SNX24: variants seen among roughly 807,000 people sequenced by gnomAD.
SNX24 encodes sorting nexin-24.
In SNX24, 22 loss-of-function variants were observed where a neutral mutation model predicts 28.7. That is an observed-to-expected ratio of 0.77 (90% CI 0.55 to 1.10). The LOEUF (loss-of-function observed/expected upper bound fraction) is 1.10. Among genes scored for constraint, SNX24 ranks in the 50% least tolerant of loss-of-function variants. The pLI, the probability that SNX24 is intolerant of heterozygous loss-of-function variation, is 0.00. For synonymous variants in SNX24, 69 were observed against 71.5 expected, an observed-to-expected ratio of 0.96 and a Z score of 0.18; for missense variants, 221 against 201.1, an observed-to-expected ratio of 1.10 and a Z score of -0.60.
At position 122,979,192 on chromosome 5, in the gene SNX24, A is replaced by T. The variant is rs57073580; in HGVS notation, c.250-20720A>T. 3.3e-3 allele frequency among the ~76,000 whole-genome samples: 506 copies of T among 152,276 alleles called. 3 individuals are homozygous for T. Among genetic ancestry groups the T allele is most frequent in the African/African-American group, 0.011 (460 of 41,558 alleles). ...GCATCAGAACTACTCTTAGGATTCA[A>T]TTTTTTTGTTGTTTTGCATATTTTA... On this transcript the variant is annotated intron_variant, in intron 3 of 6. Transcript: ENST00000261369.
chr5:122,951,110 A>G (rs1323353646), intron 3 of SNX24, among the ~76,000 whole-genome samples: 1 of 151,970 alleles, frequency 6.6e-6, no homozygotes, highest in Non-Finnish European at 1.5e-5. Context: ...TACTAAAAAT[A>G]CAAAAAATTA....
chr5:122,914,225 C>T (rs1758059253), intron 1 of SNX24, among the ~76,000 whole-genome samples: 1 of 152,196 alleles, frequency 6.6e-6, no homozygotes, highest in South Asian at 2.1e-4. Flanking sequence ...TTGAACCAGC[C>T]TTGCATCCCA....
intron 1 of SNX24, among the ~76,000 whole-genome samples, chr5:122,848,946 A>G (rs929508769): frequency 1.3e-5 from 2 of 152,176 alleles, no homozygotes; most frequent in Non-Finnish European, 2.9e-5. Flanking sequence ...CTTACAATTT[A>G]TAGACATCTT....
At chr5:122,904,307 C>G (rs930981341) in intron 1 of SNX24, among the ~76,000 whole-genome samples, 2 of 152,108 alleles carry the variant, frequency 1.3e-5, no homozygotes, top group African/African-American at 4.8e-5. Flanking sequence ...CTCAGCCTCC[C>G]CAGTAGCTGG....
rs186062456 is a variant in SNX24 at position 122,873,377 on chromosome 5, A to C, written c.60+27684A>C. On this transcript the variant is annotated intron_variant, in intron 1 of 6. Coordinates refer to ENST00000261369, the MANE Select transcript of SNX24 (RefSeq NM_014035.4). ...AGCTGATCTTTCTGTGGCCTAGATA[A>C]TTCTAAATGCCTGCGTGGGGAGGCA... Among the ~76,000 whole-genome samples, 19 of 152,230 alleles carry C rather than the reference A, an allele frequency of 1.2e-4. No homozygotes were observed. In the East Asian group the frequency reaches 3.7e-3, roughly 29 times the overall value.
intron 1 of SNX24, among the ~76,000 whole-genome samples, chr5:122,872,252 C>T (rs559195099): frequency 6.6e-6 from 1 of 151,836 alleles, no homozygotes; most frequent in South Asian, 2.1e-4. Flanking sequence ...TCTAGTGTCC[C>T]AGCCACTTCA....
chr5:122,901,002 A>G (rs1476258162), intron 1 of SNX24, among the ~76,000 whole-genome samples: 2 of 152,032 alleles, frequency 1.3e-5, no homozygotes, highest in Non-Finnish European at 2.9e-5. Context: ...GGAATTCAAG[A>G]CCAGCCTGGC....
chr5:122,967,539 C>T (rs768049833), intron 3 of SNX24, among the ~76,000 whole-genome samples: 1 of 152,144 alleles, frequency 6.6e-6, no homozygotes, highest in Non-Finnish European at 1.5e-5. Flanking sequence ...CAGAAAGCAG[C>T]CAGGAAACTT....
chr5:122,849,473 G>A (rs1194022144), intron 1 of SNX24, among the ~76,000 whole-genome samples: 5 of 152,020 alleles, frequency 3.3e-5, no homozygotes, highest in Non-Finnish European at 7.4e-5. Context: ...GCTGAGGTGG[G>A]GGTGCTTAGG....
At chr5:122,990,077 G>T (rs1176950586) in intron 3 of SNX24, among the ~76,000 whole-genome samples, 1 of 152,116 alleles carries the variant, frequency 6.6e-6, no homozygotes, top group Admixed American at 6.5e-5. Context: ...TTTCTTTATA[G>T]ATATGTTTTT....
intron 1 of SNX24, among the ~76,000 whole-genome samples, chr5:122,919,222 G>C (rs1758311320): frequency 6.6e-6 from 1 of 152,214 alleles, no homozygotes; most frequent in South Asian, 2.1e-4. Context: ...TGTGCAAAGA[G>C]GCAAACCTGG....
At chr5:122,988,000 C>T (rs1761677459) in intron 3 of SNX24, among the ~76,000 whole-genome samples, 1 of 152,162 alleles carries the variant, frequency 6.6e-6, no homozygotes, top group Non-Finnish European at 1.5e-5. Context: ...AAAATGTTCT[C>T]TTTCTTTAAA....
intron 1 of SNX24, among the ~76,000 whole-genome samples, chr5:122,874,910 C>G (rs1310974451): frequency 2.0e-5 from 3 of 152,156 alleles, no homozygotes; most frequent in African/African-American, 7.2e-5. Flanking sequence ...ATAATAGATG[C>G]CAAGCCCTTA....
At chr5:122,951,292 A>T (rs1361044348) in intron 3 of SNX24, among the ~76,000 whole-genome samples, 1 of 151,146 alleles carries the variant, frequency 6.6e-6, no homozygotes, top group Non-Finnish European at 1.5e-5. Flanking sequence ...AGAAAAAGAA[A>T]AGAAAATTTA....
At chr5:122,939,222 A>C (rs1759329792) in intron 2 of SNX24, among the ~76,000 whole-genome samples, 1 of 152,192 alleles carries the variant, frequency 6.6e-6, no homozygotes, top group Admixed American at 6.5e-5. Flanking sequence ...TTTCCCTTTA[A>C]ATGTAGTTAA....
downstream of SNX24, chr5:123,009,272 C>G (rs1208945669): frequency 4.1e-6 from 4 of 967,926 alleles, no homozygotes; most frequent in African/African-American, 5.3e-5. Context: ...TTTACACACA[C>G]ACACACATAT....
intron 1 of SNX24, among the ~76,000 whole-genome samples, chr5:122,931,806 A>G (rs1204506311): frequency 6.6e-6 from 1 of 151,386 alleles, no homozygotes; most frequent in African/African-American, 2.4e-5. Flanking sequence ...GATACTTTTA[A>G]TCTGTTATAG....
intron 2 of SNX24, among the ~76,000 whole-genome samples, chr5:122,939,464 T>G (rs1050484688): frequency 1.3e-5 from 2 of 152,220 alleles, no homozygotes; most frequent in African/African-American, 2.4e-5. Flanking sequence ...TAATACAATA[T>G]TAGCCATTTG....
intron 1 of SNX24, among the ~76,000 whole-genome samples, chr5:122,888,942 C>T (rs1235085903): frequency 1.3e-5 from 2 of 152,130 alleles, no homozygotes; most frequent in Non-Finnish European, 2.9e-5. Flanking sequence ...GCCTCTGCCT[C>T]CCAGGTTCAA....
Sources: allele counts gnomAD v4.1 joint callset (sites outside exome capture counted in the v4.1 genomes callset), GRCh38; gene constraint gnomAD v4.1.1; transcripts MANE v1.5; gene names NCBI Gene and HGNC (gene_info 2026-07-23, HGNC 2026-07-21).